MACROD2: variants seen among roughly 807,000 people sequenced by gnomAD.
MACROD2 encodes mono-ADP ribosylhydrolase 2, also known as ADP-ribose glycohydrolase MACROD2.
MACROD2 carries 36 observed loss-of-function variants against 70.4 expected under a neutral mutation model. The observed-to-expected ratio is 0.51, with a 90% CI of 0.39 to 0.68. MACROD2 has a LOEUF of 0.68. Ranked by LOEUF, MACROD2 falls within the 30% of genes least tolerant of loss-of-function variation. The probability of loss-of-function intolerance (pLI) is 0.00; values close to 1 mark genes in which losing one functional copy is unlikely to be tolerated. For missense variants in MACROD2, 496 were observed against 538.4 expected (o/e 0.92, Z 0.78); for synonymous variants, 172 against 178.8 (o/e 0.96, Z 0.30).
intron 13 of MACROD2, among the ~76,000 whole-genome samples, chr20:15,982,684 G>A (rs559228693): frequency 2.8e-3 from 422 of 152,280 alleles, no homozygotes; most frequent in Non-Finnish European, 5.0e-3. Flanking sequence ...GTAAGGTGGC[G>A]GGGTTAGGGT....
chr20:14,788,220 T>A (rs2072398726), intron 5 of MACROD2, among the ~76,000 whole-genome samples: 1 of 152,006 alleles, frequency 6.6e-6, no homozygotes. Flanking sequence ...AGCAGACACA[T>A]TAGGGCGACT....
chr20:14,605,215 C>T lies in MACROD2; in HGVS notation c.302-79628C>T, dbSNP rs140777831. ...CAACGACAGAAATGTATTGTTTCAC[C>T]GCTTTGGAGGAGTCTGAAACCAAGG... is the stretch of plus-strand genomic sequence containing the variant. On this transcript the variant is annotated intron_variant, in intron 4 of 17. Coordinates refer to ENST00000684519, the MANE Select transcript of MACROD2 (RefSeq NM_001351661.2). 1.4e-4 allele frequency among the ~76,000 whole-genome samples: 21 copies of T among 152,184 alleles called. No homozygotes were observed. The East Asian group carries it at 2.1e-3, about 15-fold the overall frequency.
chr20:15,411,734 A>C (rs1376362901), intron 6 of MACROD2, among the ~76,000 whole-genome samples: 1 of 152,186 alleles, frequency 6.6e-6, no homozygotes, highest in Non-Finnish European at 1.5e-5. Context: ...GCTGGGGAAA[A>C]AGTATGACCT....
At chr20:15,643,600 C>G (rs1367190975) in intron 8 of MACROD2, among the ~76,000 whole-genome samples, 1 of 152,006 alleles carries the variant, frequency 6.6e-6, no homozygotes, top group African/African-American at 2.4e-5. Context: ...GTTCTCAATG[C>G]CAAGGAGAAG....
intron 6 of MACROD2, among the ~76,000 whole-genome samples, chr20:15,429,229 C>T (rs1237053581): frequency 6.6e-6 from 1 of 152,132 alleles, no homozygotes; most frequent in Non-Finnish European, 1.5e-5. Flanking sequence ...CTGTGTTACA[C>T]TGTTGCTTCA....
At chr20:15,776,799 A>T (rs1212426838) in intron 8 of MACROD2, among the ~76,000 whole-genome samples, 1 of 152,170 alleles carries the variant, frequency 6.6e-6, no homozygotes, top group East Asian at 1.9e-4. Flanking sequence ...ACTAAATTTC[A>T]TGTCTTGATT....
At chr20:14,871,721 G>C (rs2073490489) in intron 5 of MACROD2, among the ~76,000 whole-genome samples, 1 of 152,040 alleles carries the variant, frequency 6.6e-6, no homozygotes, top group Non-Finnish European at 1.5e-5. Context: ...AAAAGCCACA[G>C]AGTGTCAATC....
At chr20:14,262,898 G>C (rs542557345) in intron 3 of MACROD2, among the ~76,000 whole-genome samples, 2 of 152,264 alleles carry the variant, frequency 1.3e-5, no homozygotes, top group African/African-American at 4.8e-5. Context: ...AGAGTAAAGA[G>C]AAAATAAAAG....
Position 15,461,006 on chromosome 20 carries a change from A to ATATATTTTTTTTTTT in MACROD2, c.571+29572_571+29573insATATTTTTTTTTTTT. On this transcript the variant is annotated intron_variant, in intron 7 of 17. Coordinates refer to ENST00000684519, the MANE Select transcript of MACROD2 (RefSeq NM_001351661.2). ...TATATATATATATATATATATATAT[A>ATATATTTTTTTTTTT]TTTTTTTTTAATAGATGGGGTCTTG... Among the ~76,000 whole-genome samples the ATATATTTTTTTTTTT allele has an allele frequency of 6.7e-3, 448 of 66,870 alleles. 6 individuals are homozygous for ATATATTTTTTTTTTT. Among genetic ancestry groups the ATATATTTTTTTTTTT allele is most frequent in the Non-Finnish European group, 0.012 (367 of 30,350 alleles). The allele number at this position is 66,870 out of a possible 152,430, so 43.9% of individuals were successfully genotyped here.
intron 6 of MACROD2, among the ~76,000 whole-genome samples, chr20:15,240,482 T>C (rs2077051466): frequency 6.6e-6 from 1 of 152,072 alleles, no homozygotes; most frequent in African/African-American, 2.4e-5. Context: ...GACAGAAGGA[T>C]CATTTGAGCC....
intron 8 of MACROD2, among the ~76,000 whole-genome samples, chr20:15,530,892 AC>A (rs1419864769): frequency 6.6e-6 from 1 of 151,978 alleles, no homozygotes; most frequent in Non-Finnish European, 1.5e-5. Flanking sequence ...TTTATTTGAC[AC>A]CACTTATTGG....
intron 7 of MACROD2, among the ~76,000 whole-genome samples, chr20:15,455,746 T>C (rs558020498): frequency 6.6e-6 from 1 of 152,152 alleles, no homozygotes; most frequent in Admixed American, 6.6e-5. Context: ...AGATTCACTT[T>C]CATTACCCAT....
intron 5 of MACROD2, among the ~76,000 whole-genome samples, chr20:15,192,792 G>T (rs369311092): frequency 3.3e-5 from 5 of 152,310 alleles, no homozygotes; most frequent in South Asian, 2.1e-4. Context: ...ACAGCAGAGG[G>T]TTCTAGGAGA....
intron 5 of MACROD2, among the ~76,000 whole-genome samples, chr20:14,873,006 C>T (rs1228179631): frequency 6.6e-6 from 1 of 152,024 alleles, no homozygotes; most frequent in Non-Finnish European, 1.5e-5. Context: ...GGGGAAACTG[C>T]CCCCAAGATT....
chr20:15,259,475 A>G lies in MACROD2; in HGVS notation c.540+29414A>G, dbSNP rs74598942. On this transcript the variant is annotated intron_variant, in intron 6 of 17. Coordinates refer to ENST00000684519, the MANE Select transcript of MACROD2 (RefSeq NM_001351661.2). ...GTGACTGGGGGCCAGTTTATGAGAGACATTACTTTATACTTTGCTGCATTT... is the reference window on the plus strand; with the variant it reads ...GTGACTGGGGGCCAGTTTATGAGAGGCATTACTTTATACTTTGCTGCATTT... 2.2e-4 allele frequency among the ~76,000 whole-genome samples: 33 copies of G among 152,144 alleles called. 1 individual carries two copies. In the East Asian group the frequency reaches 4.1e-3, roughly 19 times the overall value.
chr20:14,961,589 G>A (rs138664704), intron 5 of MACROD2, among the ~76,000 whole-genome samples: 2,420 of 151,654 alleles, frequency 0.016, 60 homozygotes, highest in African/African-American at 0.054. Flanking sequence ...GTGCAGTGGC[G>A]CAATCACAGC....
intron 3 of MACROD2, among the ~76,000 whole-genome samples, chr20:14,469,876 C>T (rs2084506555): frequency 6.6e-6 from 1 of 151,950 alleles, no homozygotes. Flanking sequence ...TTAGAGCACG[C>T]TTCTTTAGCT....
chr20:15,876,119 A>ATGTATGTAT (rs1380647267), intron 9 of MACROD2, among the ~76,000 whole-genome samples: 2 of 119,616 alleles, frequency 1.7e-5, no homozygotes, highest in Admixed American at 8.2e-5. Flanking sequence ...ATATGTGTGT[A>ATGTATGTAT]TTTTTTTTAT....
intron 6 of MACROD2, among the ~76,000 whole-genome samples, chr20:15,359,559 TTAA>T (rs2078328253): frequency 6.6e-6 from 1 of 151,644 alleles, no homozygotes; most frequent in African/African-American, 2.4e-5. Context: ...ATAAATTTTA[TTAA>T]TTTCTTTCCT....
Sources: gnomAD v4.1 joint callset for allele counts (sites outside exome capture counted in the v4.1 genomes callset) on GRCh38, gnomAD v4.1.1 for gene constraint, MANE v1.5 for transcripts, NCBI Gene and HGNC (gene_info 2026-07-23, HGNC 2026-07-21) for gene names.